Variants in RPS6KC1 observed in about 807,000 individuals in gnomAD.
RPS6KC1 encodes the protein ribosomal protein S6 kinase C1.
RPS6KC1 carries 54 observed loss-of-function variants against 103.8 expected under a neutral mutation model. That is an observed-to-expected ratio of 0.52 (90% confidence interval 0.42 to 0.65). The LOEUF (loss-of-function observed/expected upper bound fraction) is 0.65, where lower values mean the gene tolerates loss of function less well. RPS6KC1 is among the 30% of genes least tolerant of loss of function. The pLI is 0.00. For missense variants in RPS6KC1, 1,151 were observed against 1,253.8 expected (o/e 0.92, Z 1.24); for synonymous variants, 439 against 438.7 (o/e 1.00, Z -0.01).
intron 1 of RPS6KC1, among the ~76,000 whole-genome samples, chr1:213,058,059 C>CT (rs756919339): frequency 0.01 from 1,130 of 111,932 alleles, 135 homozygotes; most frequent in African/African-American, 0.032. Context: ...TGCGCCTGAC[C>CT]TTTTTTTTTT....
intron 12 of RPS6KC1, among the ~76,000 whole-genome samples, chr1:213,255,868 A>G: frequency 6.6e-6 from 1 of 152,234 alleles, no homozygotes; most frequent in South Asian, 2.1e-4. Context: ...GCCTAAATGC[A>G]GAACTCTTTG....
At chr1:213,605,000 G>T in the RPS6KC1 span, among the ~76,000 whole-genome samples, 1 of 152,096 alleles carries the variant, frequency 6.6e-6, no homozygotes, top group Non-Finnish European at 1.5e-5. Context: ...CTATCCTGTT[G>T]CTTGGTCTGG....
the RPS6KC1 span, among the ~76,000 whole-genome samples, chr1:213,405,962 C>T: frequency 6.6e-6 from 1 of 152,206 alleles, no homozygotes; most frequent in Non-Finnish European, 1.5e-5. Context: ...AGGGTCACTC[C>T]TCACCTGCTG....
chr1:213,249,421 CT>C (rs1281265560), intron 12 of RPS6KC1, among the ~76,000 whole-genome samples: 3 of 152,142 alleles, frequency 2.0e-5, no homozygotes, highest in African/African-American at 7.2e-5. Flanking sequence ...TTTAAAAATG[CT>C]AAGGTTTTTA....
At chr1:213,644,506 CCT>C in the RPS6KC1 span, among the ~76,000 whole-genome samples, 2 of 152,054 alleles carry the variant, frequency 1.3e-5, no homozygotes, top group African/African-American at 4.8e-5. Context: ...CCCTAAAAAT[CCT>C]CTGTGTTTTG....
intron 8 of RPS6KC1, among the ~76,000 whole-genome samples, chr1:213,214,258 T>C (rs2093598540): frequency 6.6e-6 from 1 of 152,224 alleles, no homozygotes; most frequent in African/African-American, 2.4e-5. Flanking sequence ...GGGTCCTACG[T>C]ACACGGAGCT....
At chr1:213,672,595 C>A in the RPS6KC1 span, among the ~76,000 whole-genome samples, 1 of 152,178 alleles carries the variant, frequency 6.6e-6, no homozygotes, top group Non-Finnish European at 1.5e-5. Context: ...TCTGTGGGGA[C>A]CTCTTCTATG....
chr1:213,606,311 A>C, the RPS6KC1 span, among the ~76,000 whole-genome samples: 1 of 152,176 alleles, frequency 6.6e-6, no homozygotes, highest in African/African-American at 2.4e-5. Context: ...TGGGACATCA[A>C]ATGAGGGAAC....
the RPS6KC1 span, among the ~76,000 whole-genome samples, chr1:213,418,594 T>C: frequency 6.6e-6 from 1 of 152,168 alleles, no homozygotes; most frequent in Non-Finnish European, 1.5e-5. Flanking sequence ...CAGGGAACAG[T>C]GTTAAAAAAG....
At chr1:213,465,443 A>G in the RPS6KC1 span, among the ~76,000 whole-genome samples, 75 of 152,280 alleles carry the variant, frequency 4.9e-4, no homozygotes, top group Non-Finnish European at 9.3e-4. Context: ...GGTATCACTC[A>G]CTAGTTTCCT....
In RPS6KC1 at chr1:213,185,900, T is replaced by TA. The variant is rs2092504543; in HGVS notation, c.1044+9409dup. ...TGGGTTTTGTGCTGTGGTTGCCAGT[T>TA]ACCATGAGGCTTACAAAAAATATCT... is the stretch of plus-strand genomic sequence containing the variant. On this transcript the variant is annotated intron_variant, in intron 8 of 14. Coordinates refer to ENST00000366960, the MANE Select transcript of RPS6KC1 (RefSeq NM_012424.6). Among the ~76,000 whole-genome samples, 3 of 151,622 alleles carry TA rather than the reference T, an allele frequency of 2.0e-5. No homozygotes were observed. In the South Asian group the frequency reaches 6.2e-4, roughly 31 times the overall value.
At chr1:213,590,631 C>T in the RPS6KC1 span, among the ~76,000 whole-genome samples, 5 of 152,078 alleles carry the variant, frequency 3.3e-5, no homozygotes, top group Non-Finnish European at 7.4e-5. Context: ...ATTTATATTC[C>T]CACGCTGATC....
chr1:213,533,703 C>T, the RPS6KC1 span, among the ~76,000 whole-genome samples: 3 of 152,244 alleles, frequency 2.0e-5, no homozygotes, highest in Non-Finnish European at 4.4e-5. Context: ...TCCACTTCCA[C>T]ACGTTGCTAT....
the RPS6KC1 span, among the ~76,000 whole-genome samples, chr1:213,823,334 T>G: frequency 6.6e-6 from 1 of 152,202 alleles, no homozygotes; most frequent in Admixed American, 6.5e-5. Context: ...AGAGCAAATA[T>G]TGTTGTCTCC....
the RPS6KC1 span, among the ~76,000 whole-genome samples, chr1:213,568,735 A>G: frequency 6.6e-6 from 1 of 152,342 alleles, no homozygotes; most frequent in East Asian, 1.9e-4. Flanking sequence ...CATGTTAGCA[A>G]ATAATGATGC....
At chr1:213,209,695 CAAAAAAAAA>C (rs60840755) in intron 8 of RPS6KC1, among the ~76,000 whole-genome samples, 6 of 54,130 alleles carry the variant, frequency 1.1e-4, no homozygotes, top group South Asian at 1.3e-3. Context: ...AACTCCGTCT[CAAAAAAAAA>C]AAAAAAAAAA....
At position 213,241,982 on chromosome 1, in the gene RPS6KC1, G is replaced by C; in HGVS notation, c.2506G>C (p.Asp836His). ...TGCTAATGAATATATTGCAAGCACA[G>C]ACACTTTAAAAACAGAAGAAGTATT... is the stretch of plus-strand genomic sequence containing the variant. ...SGANEYIAST[D>H]TLKTEEVLLF... The change falls in exon 11 of 15, where the codon GAC becomes CAC. Residue 836 changes from aspartate to histidine, a missense_variant. Coordinates refer to ENST00000366960, the MANE Select transcript of RPS6KC1 (RefSeq NM_012424.6). 1.2e-6 allele frequency: 2 copies of C among 1,614,042 alleles called. No homozygotes were observed. The highest frequency in any genetic ancestry group is 1.7e-6 in the Non-Finnish European group (2 of 1,179,944).
intron 8 of RPS6KC1, among the ~76,000 whole-genome samples, chr1:213,221,050 A>G (rs959686399): frequency 1.3e-5 from 2 of 152,132 alleles, no homozygotes; most frequent in Non-Finnish European, 2.9e-5. Context: ...AAAACAAAAT[A>G]CTCTACTTTT....
At chr1:213,650,228 G>A in the RPS6KC1 span, among the ~76,000 whole-genome samples, 1 of 152,124 alleles carries the variant, frequency 6.6e-6, no homozygotes, top group African/African-American at 2.4e-5. Context: ...AGAAGCAAAA[G>A]CATTAAGTAA....
Sources: gnomAD v4.1 joint callset for allele counts (sites outside exome capture counted in the v4.1 genomes callset) on GRCh38, gnomAD v4.1.1 for gene constraint, MANE v1.5 for transcripts, NCBI Gene and HGNC (gene_info 2026-07-23, HGNC 2026-07-21) for gene names.